Variants in NOTCH2 observed in about 807,000 individuals in gnomAD.
The protein encoded by NOTCH2 is neurogenic locus notch homolog protein 2.
Under a neutral mutation model 235.8 loss-of-function variants are expected in NOTCH2, and 29 were observed. That is an observed-to-expected ratio of 0.12 (90% CI 0.09 to 0.17). The LOEUF is 0.17. Among genes scored for constraint, NOTCH2 ranks in the 10% least tolerant of loss-of-function variants. NOTCH2 has a pLI of 1.00. For missense variants in NOTCH2, 2,285 were observed against 3,150.2 expected (o/e 0.73, Z 6.57); for synonymous variants, 1,086 against 1,141.5 (o/e 0.95, Z 0.98).
chr1:120,003,256 T>C (rs1332314025), intron 3 of NOTCH2, among the ~76,000 whole-genome samples: 1 of 152,126 alleles, frequency 6.6e-6, no homozygotes, highest in Non-Finnish European at 1.5e-5. Context: ...TTCTTTGGTT[T>C]TGGAACTCAG....
chr1:119,959,394 G>A lies in NOTCH2; in HGVS notation c.2024C>T (p.Thr675Ile). 2 of 1,576,948 alleles carry A rather than the reference G, an allele frequency of 1.3e-6. No homozygotes were observed. The highest frequency in any genetic ancestry group is 1.7e-6 in the Non-Finnish European group (2 of 1,146,222). Reference sequence around the variant, plus strand: ...CCTTGCAGTAAAAGGAGCTTTACCTGTGAATCCTGGTGAGCAGACACAACT... The same window carrying A: ...CCTTGCAGTAAAAGGAGCTTTACCTATGAATCCTGGTGAGCAGACACAACT... ...RYSCVCSPGF[T>I]GQRCNIDIDE... Residue 675 changes from threonine to isoleucine, a missense_variant and splice_region_variant, in exon 12 of 34, where the codon ACA becomes ATA. Coordinates refer to ENST00000256646, the MANE Select transcript of NOTCH2 (RefSeq NM_024408.4).
intron 19 of NOTCH2, among the ~76,000 whole-genome samples, chr1:119,938,680 T>A (rs1173445984): frequency 1.3e-5 from 2 of 152,140 alleles, no homozygotes; most frequent in Non-Finnish European, 2.9e-5. Flanking sequence ...AATTGGTATA[T>A]TCATTCTTTT....
intron 1 of NOTCH2, among the ~76,000 whole-genome samples, chr1:120,064,479 T>C (rs1570799621): frequency 6.6e-6 from 1 of 151,718 alleles, no homozygotes; most frequent in Non-Finnish European, 1.5e-5. Flanking sequence ...CAACTCACCA[T>C]CAGCCTCTCC....
intron 5 of NOTCH2, among the ~76,000 whole-genome samples, chr1:119,984,079 T>C (rs1553201952): frequency 1.3e-5 from 2 of 152,126 alleles, no homozygotes; most frequent in Admixed American, 6.6e-5. Context: ...CAATAGGCTA[T>C]TAGGTATAGT....
At chr1:120,001,057 G>A (rs1225938051) in intron 3 of NOTCH2, among the ~76,000 whole-genome samples, 2 of 152,046 alleles carry the variant, frequency 1.3e-5, no homozygotes, top group Non-Finnish European at 2.9e-5. Flanking sequence ...GGTTTCTCAG[G>A]GTTTCTGCTT....
At chr1:119,941,900 G>T (rs1167882095) in intron 17 of NOTCH2, 146 bp from the exon 18 acceptor site, 8 of 678,736 alleles carry the variant, frequency 1.2e-5, no homozygotes, top group Non-Finnish European at 1.9e-5. Flanking sequence ...CCTCATTTAT[G>T]AAAATGAATT....
Position 119,916,125 on chromosome 1 carries a change from T to A in NOTCH2, c.6597A>T (p.Leu2199=). 1.9e-6 allele frequency: 3 copies of A among 1,614,138 alleles called. No individual in the cohort carries two copies. The highest frequency in any genetic ancestry group is 1.7e-6 in the Non-Finnish European group (2 of 1,180,014). ...PPAPVHAQHA[L]SFSNLHEMQP... is the part of the protein sequence containing the mutation. ...GCATTTCATGAAGGTTAGAAAAAGATAGTGCATGCTGGGCATGGACTGGGG... is the reference window on the plus strand; with the variant it reads ...GCATTTCATGAAGGTTAGAAAAAGAAAGTGCATGCTGGGCATGGACTGGGG... Residue 2199 remains leucine, a synonymous_variant, in exon 34 of 34, where the codon CTA becomes CTT. Transcript: ENST00000256646.
At chr1:120,031,188 C>G (rs1654076180) in intron 1 of NOTCH2, among the ~76,000 whole-genome samples, 1 of 142,910 alleles carries the variant, frequency 7.0e-6, no homozygotes. Context: ...AACCAGTAGC[C>G]CAGGTGCAAG....
intron 5 of NOTCH2, among the ~76,000 whole-genome samples, chr1:119,975,850 A>C (rs1328477612): frequency 6.6e-6 from 1 of 152,160 alleles, no homozygotes; most frequent in East Asian, 1.9e-4. Flanking sequence ...TGGCTCTCTC[A>C]AGGCAAGGGC....
At chr1:119,971,892 G>A (rs1651374982) in intron 5 of NOTCH2, among the ~76,000 whole-genome samples, 1 of 152,120 alleles carries the variant, frequency 6.6e-6, no homozygotes, top group African/African-American at 2.4e-5. Flanking sequence ...AAACGAGGCT[G>A]TGTCAACTGC....
chr1:119,986,416 G>A lies in NOTCH2; in HGVS notation c.874+544C>T, dbSNP rs587654982. Among the ~76,000 whole-genome samples the A allele has an allele frequency of 3.5e-4, 54 of 152,198 alleles. 1 individual carries two copies. In the South Asian group the frequency reaches 5.4e-3, roughly 15 times the overall value. On this transcript the variant is annotated intron_variant, in intron 5 of 33. Coordinates refer to ENST00000256646, the MANE Select transcript of NOTCH2 (RefSeq NM_024408.4). ...GAGGCAGAAAAAACTATTTTTGTTC[G>A]TGTACAAAAAGGGATAGAAGAAAAA...
chr1:119,967,893 C>G (rs1651206102), intron 7 of NOTCH2, among the ~76,000 whole-genome samples, 184 bp downstream of exon 7: 1 of 152,168 alleles, frequency 6.6e-6, no homozygotes, highest in Non-Finnish European at 1.5e-5. Context: ...TACAGTTAAT[C>G]CCCAGAATGG....
chr1:119,917,549 C>T, intron 33 of NOTCH2, 116 bp downstream of exon 33: 1 of 792,886 alleles, frequency 1.3e-6, no homozygotes, highest in Non-Finnish European at 2.2e-6. Context: ...TCTGCCCAAA[C>T]TGCTTCCATC....
chr1:119,916,845 T>C, intron 33 of NOTCH2, 151 bp from the exon 34 acceptor site: 1 of 801,592 alleles, frequency 1.2e-6, no homozygotes, highest in East Asian at 2.7e-5. Flanking sequence ...GCTGTGCCTC[T>C]ACCAATGTAC....
intron 1 of NOTCH2, among the ~76,000 whole-genome samples, chr1:120,066,063 T>G (rs1371543917): frequency 6.6e-6 from 1 of 151,936 alleles, no homozygotes; most frequent in African/African-American, 2.4e-5. Context: ...GTGGAGAATT[T>G]ATTATATCAT....
At chr1:119,987,146 C>A in intron 4 of NOTCH2, 64 bp from the exon 5 acceptor site, 1 of 1,588,478 alleles carries the variant, frequency 6.3e-7, no homozygotes, top group South Asian at 1.1e-5. Context: ...CTGCTCTGTT[C>A]CCACAGAACA....
At chr1:119,918,870 C>T (rs587733245) in intron 31 of NOTCH2, among the ~76,000 whole-genome samples, 1 of 152,264 alleles carries the variant, frequency 6.6e-6, no homozygotes, top group South Asian at 2.1e-4. Context: ...CAGAATGCTT[C>T]CAATTTCCTC....
chr1:119,953,313 CA>C lies in NOTCH2; in HGVS notation c.2365+229del, dbSNP rs10695258. Reference sequence around the variant, plus strand: ...GGGCAACAAGAGCAAAACTCTGTGTCAAAAAAAAAAAAAATTACTATTTCAA... The same window carrying C: ...GGGCAACAAGAGCAAAACTCTGTGTCAAAAAAAAAAAAATTACTATTTCAA... On this transcript the variant is annotated intron_variant, in intron 14 of 33. Coordinates refer to ENST00000256646, the MANE Select transcript of NOTCH2 (RefSeq NM_024408.4). Among the ~76,000 whole-genome samples the C allele has an allele frequency of 3.0e-3, 428 of 143,598 alleles. 2 individuals are homozygous for C. Among genetic ancestry groups the C allele is most frequent in the Middle Eastern group, 0.018 (5 of 284 alleles). The allele number at this position is 143,598 out of a possible 152,430, so 94.2% of individuals were successfully genotyped here.
At chr1:119,961,290 G>A (rs186604896) in intron 11 of NOTCH2, among the ~76,000 whole-genome samples, 1 of 107,506 alleles carries the variant, frequency 9.3e-6, no homozygotes, top group Admixed American at 8.2e-5. Context: ...TCCCTGCAGA[G>A]GAGTGGATAC....
Sources: gnomAD v4.1 joint callset for allele counts (sites outside exome capture counted in the v4.1 genomes callset) on GRCh38, gnomAD v4.1.1 for gene constraint, MANE v1.5 for transcripts, NCBI Gene and HGNC (gene_info 2026-07-23, HGNC 2026-07-21) for gene names.